LRRC4C: variants seen among roughly 807,000 people sequenced by gnomAD.
LRRC4C encodes leucine-rich repeat-containing protein 4C.
Under a neutral mutation model 33.6 loss-of-function variants are expected in LRRC4C, and 5 were observed. The ratio of observed to expected loss-of-function variants is 0.15; its 90% CI spans 0.08 to 0.31. LRRC4C has a LOEUF of 0.31. Ranked by LOEUF, LRRC4C falls within the 10% of genes least tolerant of loss-of-function variation. LRRC4C has a pLI of 1.00. For synonymous variants in LRRC4C, 329 were observed against 302.0 expected (o/e 1.09, Z -0.93); for missense variants, 560 against 796.7 (o/e 0.70, Z 3.58).
chr11:40,366,227 T>C (rs1222780975), intron 3 of LRRC4C, among the ~76,000 whole-genome samples: 4 of 152,126 alleles, frequency 2.6e-5, no homozygotes, highest in Non-Finnish European at 4.4e-5. Context: ...ATATGCTTTC[T>C]ACCTTGAGGA....
intron 4 of LRRC4C, among the ~76,000 whole-genome samples, chr11:40,257,179 T>G (rs917388521): frequency 6.6e-6 from 1 of 152,210 alleles, no homozygotes; most frequent in Non-Finnish European, 1.5e-5. Flanking sequence ...ATGCTAATGC[T>G]TGGCCCAGTA....
At chr11:40,789,093 GAAAAAAAAA>G (rs397956716) in intron 2 of LRRC4C, among the ~76,000 whole-genome samples, 1 of 63,524 alleles carries the variant, frequency 1.6e-5, no homozygotes, top group Non-Finnish European at 2.8e-5. Flanking sequence ...TCCGTCTCGG[GAAAAAAAAA>G]AAAAAAAAAA....
intron 2 of LRRC4C, among the ~76,000 whole-genome samples, chr11:40,743,766 A>G (rs1055888106): frequency 6.6e-6 from 1 of 152,106 alleles, no homozygotes; most frequent in African/African-American, 2.4e-5. Flanking sequence ...TGAAAATATG[A>G]CCTTCAAGGT....
chr11:41,394,548 T>C (rs932886549), intron 1 of LRRC4C: 1 of 151,866 alleles, frequency 6.6e-6, no homozygotes, highest in African/African-American at 2.4e-5. Context: ...TCAGAAATAA[T>C]GTGGTTACAA....
intron 2 of LRRC4C, among the ~76,000 whole-genome samples, chr11:40,747,955 A>G (rs965403734): frequency 6.6e-6 from 1 of 152,162 alleles, no homozygotes; most frequent in African/African-American, 2.4e-5. Context: ...CCAAGAGGCA[A>G]AGAGAGAATG....
intron 1 of LRRC4C, among the ~76,000 whole-genome samples, chr11:41,175,009 T>A (rs1439894906): frequency 1.3e-5 from 2 of 152,068 alleles, no homozygotes; most frequent in Non-Finnish European, 2.9e-5. Context: ...TTCATTCACA[T>A]CCTTATATCC....
chr11:40,853,724 T>A (rs1362245590), intron 2 of LRRC4C, among the ~76,000 whole-genome samples: 1 of 152,132 alleles, frequency 6.6e-6, no homozygotes, highest in Non-Finnish European at 1.5e-5. Flanking sequence ...TTCTTGGCAA[T>A]GATTAGAGGA....
chr11:40,936,218 A>C (rs975473675), intron 1 of LRRC4C, among the ~76,000 whole-genome samples: 2 of 149,810 alleles, frequency 1.3e-5, no homozygotes, highest in South Asian at 2.1e-4. Flanking sequence ...TTTTCACCAT[A>C]GTAAGTTTTA....
At chr11:40,256,505 T>G (rs576056155) in intron 4 of LRRC4C, among the ~76,000 whole-genome samples, 1 of 152,120 alleles carries the variant, frequency 6.6e-6, no homozygotes, top group Non-Finnish European at 1.5e-5. Flanking sequence ...ACATCCAGTA[T>G]GTAACTGTGC....
chr11:40,481,064 G>GT (rs1176470872), intron 3 of LRRC4C, among the ~76,000 whole-genome samples: 1 of 146,798 alleles, frequency 6.8e-6, no homozygotes, highest in Non-Finnish European at 1.5e-5. Flanking sequence ...TTTTACAACA[G>GT]TAAAAAAAAA....
intron 3 of LRRC4C, among the ~76,000 whole-genome samples, chr11:40,641,660 G>A (rs1171216879): frequency 6.6e-6 from 1 of 152,130 alleles, no homozygotes; most frequent in Non-Finnish European, 1.5e-5. Flanking sequence ...TGCTTTCTCA[G>A]CAATCCCCTT....
chr11:40,208,652 A>G (rs1863341734), intron 5 of LRRC4C, among the ~76,000 whole-genome samples: 1 of 152,170 alleles, frequency 6.6e-6, no homozygotes, highest in Non-Finnish European at 1.5e-5. Context: ...ATGAATATTC[A>G]TTTATTTTGC....
chr11:40,507,400 T>C (rs1955086363), intron 3 of LRRC4C, among the ~76,000 whole-genome samples: 1 of 152,116 alleles, frequency 6.6e-6, no homozygotes, highest in South Asian at 2.1e-4. Flanking sequence ...ATGGTCAACC[T>C]TATGCTAATT....
intron 1 of LRRC4C, among the ~76,000 whole-genome samples, chr11:40,979,045 T>C (rs1385263440): frequency 6.6e-6 from 1 of 152,236 alleles, no homozygotes; most frequent in Non-Finnish European, 1.5e-5. Flanking sequence ...TAGGATAATC[T>C]GTACATTGTC....
At position 40,969,609 on chromosome 11, in the gene LRRC4C, G is replaced by A. The variant is rs552780872; in HGVS notation, c.-495-35886C>T. The stretch of plus-strand genomic sequence containing the variant: ...TCAGCAACTATCAATATCAATGCAA[G>A]AGTTCCAACCAGCAAAAACATTAGG... On this transcript the variant is annotated intron_variant, in intron 1 of 6. Coordinates refer to ENST00000528697, the MANE Select transcript of LRRC4C (RefSeq NM_001258419.2). Among the ~76,000 whole-genome samples, 410 of 152,210 alleles carry A rather than the reference G, an allele frequency of 2.7e-3. 2 individuals carry two copies. Among genetic ancestry groups the A allele is most frequent in the African/African-American group, 9.3e-3 (385 of 41,534 alleles).
At chr11:40,496,090 C>T (rs1296874089) in intron 3 of LRRC4C, among the ~76,000 whole-genome samples, 3 of 151,874 alleles carry the variant, frequency 2.0e-5, no homozygotes, top group African/African-American at 7.3e-5. Flanking sequence ...CTTGGCATCC[C>T]AAGTGCTAGG....
chr11:40,442,143 A>T (rs1048279278), intron 3 of LRRC4C, among the ~76,000 whole-genome samples: 2 of 138,000 alleles, frequency 1.4e-5, no homozygotes, highest in African/African-American at 5.6e-5. Flanking sequence ...AGCCTGGGTG[A>T]CAGAGCCAGA....
chr11:40,915,226 C>T (rs1444880847), intron 2 of LRRC4C, among the ~76,000 whole-genome samples: 2 of 152,048 alleles, frequency 1.3e-5, no homozygotes, highest in Non-Finnish European at 2.9e-5. Flanking sequence ...AAAAAAGAGC[C>T]CATATTGCCA....
chr11:40,278,075 A>C (rs1218296281), intron 4 of LRRC4C, among the ~76,000 whole-genome samples: 1 of 152,220 alleles, frequency 6.6e-6, no homozygotes, highest in Non-Finnish European at 1.5e-5. Flanking sequence ...ATGTCACTGC[A>C]TAAGTAAGAA....
Sources: allele counts gnomAD v4.1 joint callset (sites outside exome capture counted in the v4.1 genomes callset), GRCh38; gene constraint gnomAD v4.1.1; transcripts MANE v1.5; gene names NCBI Gene and HGNC (gene_info 2026-07-23, HGNC 2026-07-21).